Variants in LUC7L2 observed in about 807,000 individuals in gnomAD.
LUC7L2 encodes putative RNA-binding protein Luc7-like 2.
A neutral mutation model predicts 52.8 loss-of-function variants in LUC7L2; 25 were observed. The observed-to-expected ratio is 0.47, with a 90% CI of 0.34 to 0.66. The LOEUF (loss-of-function observed/expected upper bound fraction) is 0.66. LUC7L2 is among the 30% of genes least tolerant of loss of function. LUC7L2 has a pLI of 0.01. For synonymous variants in LUC7L2, 144 were observed against 160.9 expected, an observed-to-expected ratio of 0.89 and a Z score of 0.80; for missense variants, 328 against 497.8, an observed-to-expected ratio of 0.66 and a Z score of 3.25.
intron 1 of LUC7L2, among the ~76,000 whole-genome samples, chr7:139,362,352 T>C (rs982518206): frequency 6.6e-6 from 1 of 152,190 alleles, no homozygotes; most frequent in Admixed American, 6.5e-5. Context: ...ATATATATCA[T>C]TTTATGATTC....
rs146264541 is a variant in LUC7L2, at chr7:139,418,391, A to G, written c.1001+662A>G. Among the ~76,000 whole-genome samples, 551 of 152,360 alleles carry G rather than the reference A, an allele frequency of 3.6e-3. 3 individuals carry two copies. The highest frequency in any genetic ancestry group is 0.013 in the African/African-American group (525 of 41,586). On this transcript the variant is annotated intron_variant, in intron 9 of 9. Coordinates refer to ENST00000354926, the MANE Select transcript of LUC7L2 (RefSeq NM_016019.5). ...CATAGTCTGTATAGATCAAACTGTCAAAACTTCTCAGGTCACATGATGGCC... is the reference window on the plus strand; with the variant it reads ...CATAGTCTGTATAGATCAAACTGTCGAAACTTCTCAGGTCACATGATGGCC...
At chr7:139,405,415 G>GAT (rs1795077237) in intron 4 of LUC7L2, among the ~76,000 whole-genome samples, 1 of 152,144 alleles carries the variant, frequency 6.6e-6, no homozygotes, top group Admixed American at 6.6e-5. Context: ...CTCGCCAGAG[G>GAT]ATAGAAAGTT....
At chr7:139,385,007 T>C (rs1030663702) in intron 2 of LUC7L2, among the ~76,000 whole-genome samples, 1 of 151,586 alleles carries the variant, frequency 6.6e-6, no homozygotes, top group East Asian at 1.9e-4. Flanking sequence ...GTAATTTTTT[T>C]CCCCATGGTG....
At position 139,416,037 on chromosome 7, in the gene LUC7L2, T is replaced by TAA. The variant is rs1795585370; in HGVS notation, c.810-1498_810-1497dup. 5.5e-5 allele frequency: 6 copies of TAA among 109,320 alleles called. No individual in the cohort carries two copies. In the Admixed American group the frequency reaches 6.0e-4, roughly 11 times the overall value. The allele number at this position is 109,320 out of a possible 1,614,324, so 6.8% of individuals were successfully genotyped here. On this transcript the variant is annotated intron_variant, in intron 8 of 9. Coordinates refer to ENST00000354926, the MANE Select transcript of LUC7L2 (RefSeq NM_016019.5). ...TAAATTTAAGAGTTTTATTGAGGTA[T>TAA]AAAATATATATATATATATATATAT...
At chr7:139,359,521 G>A (rs1333677600), upstream of LUC7L2, 1 of 253,802 alleles carries the variant, frequency 3.9e-6, no homozygotes, top group East Asian at 7.2e-5. Flanking sequence ...CAGACGCCAA[G>A]GAGGCTGACC....
rs1795165125 is a variant in LUC7L2 at position 139,407,087 on chromosome 7, C to T, written c.511-87C>T. On this transcript the variant is annotated intron_variant, in intron 5 of 9. Coordinates refer to ENST00000354926, the MANE Select transcript of LUC7L2 (RefSeq NM_016019.5). Reference sequence around the variant, plus strand: ...ACTTTTGTGTATTTTTTAGAAAACACTTTTGGTATAAGCATAGTATATTTT... The same window carrying T: ...ACTTTTGTGTATTTTTTAGAAAACATTTTTGGTATAAGCATAGTATATTTT... 4.5e-6 allele frequency: 5 copies of T among 1,119,508 alleles called. No homozygotes were observed. In the East Asian group the frequency reaches 1.9e-4, roughly 44 times the overall value. The allele number at this position is 1,119,508 out of a possible 1,614,324, so 69.3% of individuals were successfully genotyped here.
intron 2 of LUC7L2, among the ~76,000 whole-genome samples, chr7:139,390,713 G>T (rs1015580695): frequency 2.0e-5 from 3 of 151,826 alleles, no homozygotes; most frequent in African/African-American, 7.3e-5. Context: ...CCACCACCAT[G>T]CCCGGCTAAT....
At position 139,409,325 on chromosome 7, in the gene LUC7L2, C is replaced by A. The variant is rs529384856; in HGVS notation, c.688-238C>A. On this transcript the variant is annotated intron_variant, in intron 6 of 9. Coordinates refer to ENST00000354926, the MANE Select transcript of LUC7L2 (RefSeq NM_016019.5). ...TTAAAAAAAAAAACAAAAAAAAAAACCAAGTAGAAATCATGGAGAAAGGTG... is the reference window on the plus strand; with the variant it reads ...TTAAAAAAAAAAACAAAAAAAAAAAACAAGTAGAAATCATGGAGAAAGGTG... Among the ~76,000 whole-genome samples the A allele has an allele frequency of 6.4e-3, 940 of 147,222 alleles. 4 individuals are homozygous for A. Among genetic ancestry groups the A allele is most frequent in the Middle Eastern group, 0.017 (5 of 286 alleles).
chr7:139,398,488 T>TA, intron 2 of LUC7L2, 111 bp from the exon 3 acceptor site: 1 of 778,522 alleles, frequency 1.3e-6, no homozygotes, highest in Non-Finnish European at 1.9e-6. Context: ...AGCCCCTACA[T>TA]AAAAAAGCAT....
At chr7:139,379,316 A>G (rs1382521442) in intron 2 of LUC7L2, among the ~76,000 whole-genome samples, 1 of 151,758 alleles carries the variant, frequency 6.6e-6, no homozygotes, top group Non-Finnish European at 1.5e-5. Flanking sequence ...AGCCGGGACA[A>G]CATAGTAAGA....
intron 8 of LUC7L2, among the ~76,000 whole-genome samples, chr7:139,415,504 C>G (rs887050820): frequency 6.6e-6 from 1 of 151,530 alleles, no homozygotes; most frequent in South Asian, 2.1e-4. Flanking sequence ...ATAAAACTTA[C>G]ACTGAGAGTT....
Position 139,423,148 on chromosome 7 carries a change from A to G in LUC7L2, c.*808A>G, listed in dbSNP as rs922344924. ...TAATAATAATAAAATGAAAGAAACA[A>G]TCACCACCACCATTATTAAACTGTA... On this transcript the variant is annotated 3_prime_UTR_variant, in exon 10 of 10. Transcript: ENST00000354926. 1.8e-5 allele frequency: 7 copies of G among 398,904 alleles called. No homozygotes were observed. Among genetic ancestry groups the G allele is most frequent in the Admixed American group, 1.3e-4 (3 of 22,706 alleles). The allele number at this position is 398,904 out of a possible 1,614,324, so 24.7% of individuals were successfully genotyped here. A position where few individuals can be genotyped will look rare whatever the true frequency, so the allele number is the denominator to read the frequency against.
At chr7:139,374,789 A>T (rs1204812164) in intron 1 of LUC7L2, 5 of 1,129,276 alleles carry the variant, frequency 4.4e-6, no homozygotes, top group Non-Finnish European at 4.4e-6. Context: ...ACCCCATCTA[A>T]AAATGATAGT....
chr7:139,404,358 A>T (rs1795033371), intron 4 of LUC7L2, among the ~76,000 whole-genome samples: 2 of 152,036 alleles, frequency 1.3e-5, no homozygotes, highest in Admixed American at 6.6e-5. Flanking sequence ...AAAACTGCAA[A>T]ATTAGCCAGG....
intron 8 of LUC7L2, among the ~76,000 whole-genome samples, chr7:139,413,428 T>G (rs1254651559): frequency 6.6e-6 from 1 of 152,176 alleles, no homozygotes; most frequent in African/African-American, 2.4e-5. Context: ...TTCTCAGCTC[T>G]AGAGACTATT....
chr7:139,374,314 A>G (rs1349887919), intron 1 of LUC7L2: 1 of 946,972 alleles, frequency 1.1e-6, no homozygotes, highest in East Asian at 2.6e-5. Flanking sequence ...TACAGTCAAC[A>G]TGTACTTCTA....
chr7:139,402,118 C>G lies in LUC7L2; in HGVS notation c.256-19C>G. On this transcript the variant is annotated intron_variant, in intron 3 of 9. Transcript: ENST00000354926. ...AAATTGACTTTCTGACAGTAATTGT[C>G]TTTAATTAAACTTTGTAGGCCATGG... 3 of 1,561,292 alleles carry G rather than the reference C, an allele frequency of 1.9e-6. No homozygotes were observed. Among genetic ancestry groups the G allele is most frequent in the Non-Finnish European group, 2.6e-6 (3 of 1,160,728 alleles).
intron 1 of LUC7L2, among the ~76,000 whole-genome samples, chr7:139,368,266 A>G (rs1487252905): frequency 6.6e-6 from 1 of 152,146 alleles, no homozygotes; most frequent in Non-Finnish European, 1.5e-5. Flanking sequence ...TCATCTTTTG[A>G]CCAAAAATCT....
chr7:139,397,448 ACTGT>A (rs771375497), intron 2 of LUC7L2, among the ~76,000 whole-genome samples: 2 of 152,214 alleles, frequency 1.3e-5, no homozygotes, highest in African/African-American at 2.4e-5. Flanking sequence ...ATGAAGTCAG[ACTGT>A]CTGTGTCACT....
Sources: gnomAD v4.1 joint callset for allele counts (sites outside exome capture counted in the v4.1 genomes callset) on GRCh38, gnomAD v4.1.1 for gene constraint, MANE v1.5 for transcripts, NCBI Gene and HGNC (gene_info 2026-07-23, HGNC 2026-07-21) for gene names.